The following RIMS2 variants were observed in gnomAD, a reference collection of about 807,000 sequenced individuals.
RIMS2 encodes regulating synaptic membrane exocytosis 2, also known as regulating synaptic membrane exocytosis protein 2.
In RIMS2, 59 loss-of-function variants were observed where a neutral mutation model predicts 174.4. That is an observed-to-expected ratio of 0.34 (90% CI 0.27 to 0.42). The LOEUF (loss-of-function observed/expected upper bound fraction) is 0.42, where lower values mean the gene tolerates loss of function less well. Among genes scored for constraint, RIMS2 ranks in the 10% least tolerant of loss-of-function variants. RIMS2 has a pLI of 1.00. For missense variants in RIMS2, 1,620 were observed against 1,666.3 expected (o/e 0.97, Z 0.48); for synonymous variants, 606 against 572.5 (o/e 1.06, Z -0.84).
chr8:103,825,227 A>G (rs576847568), intron 3 of RIMS2, among the ~76,000 whole-genome samples: 1 of 152,218 alleles, frequency 6.6e-6, no homozygotes, highest in Admixed American at 6.6e-5. Context: ...GAAATTTTAT[A>G]GAAGGTAATC....
chr8:103,949,685 C>T (rs1265284385), intron 14 of RIMS2, among the ~76,000 whole-genome samples: 1 of 151,794 alleles, frequency 6.6e-6, no homozygotes, highest in African/African-American at 2.4e-5. Flanking sequence ...ATTATTAATA[C>T]CAAAAAAATT....
chr8:103,897,526 T>C (rs2099293195), intron 4 of RIMS2, among the ~76,000 whole-genome samples: 1 of 151,774 alleles, frequency 6.6e-6, no homozygotes, highest in Non-Finnish European at 1.5e-5. Context: ...CTGGTCCTAC[T>C]GATGCTCAAA....
At chr8:103,605,641 TG>T (rs1355320210) in intron 1 of RIMS2, among the ~76,000 whole-genome samples, 5 of 152,134 alleles carry the variant, frequency 3.3e-5, no homozygotes, top group Admixed American at 1.3e-4. Context: ...GGACTCTTTT[TG>T]GTTGGTAAAC....
chr8:103,950,844 A>C (rs1277972123), intron 14 of RIMS2, among the ~76,000 whole-genome samples: 1 of 152,244 alleles, frequency 6.6e-6, no homozygotes, highest in East Asian at 1.9e-4. Context: ...GCTTATTTGC[A>C]TACATGTTCA....
intron 3 of RIMS2, among the ~76,000 whole-genome samples, chr8:103,866,018 A>G (rs939288924): frequency 2.0e-5 from 3 of 152,314 alleles, no homozygotes; most frequent in African/African-American, 7.2e-5. Flanking sequence ...AACAAATTTC[A>G]TAACTTTAGT....
At chr8:103,952,263 G>C (rs2085640494) in intron 14 of RIMS2, among the ~76,000 whole-genome samples, 1 of 152,204 alleles carries the variant, frequency 6.6e-6, no homozygotes, top group Admixed American at 6.5e-5. Flanking sequence ...GCTCCGATAA[G>C]GGACAGACTG....
At chr8:103,719,385 A>G (rs2097418189) in intron 2 of RIMS2, among the ~76,000 whole-genome samples, 1 of 152,254 alleles carries the variant, frequency 6.6e-6, no homozygotes, top group African/African-American at 2.4e-5. Context: ...TGCAGTATGC[A>G]GCAGGGAAGC....
At position 104,173,613 on chromosome 8, in the gene RIMS2, A is replaced by ATTTTTTTTTT. The variant is rs71297262; in HGVS notation, c.3335-71279_3335-71270dup. On this transcript the variant is annotated intron_variant, in intron 19 of 23. Coordinates refer to ENST00000504942, the Ensembl canonical transcript of RIMS2. ...AATATTTACTACCTTAGCTCTTCTGATTTTTTTTTTTTTTTTTTTTTTTTT... is the reference window on the plus strand; with the variant it reads ...AATATTTACTACCTTAGCTCTTCTGATTTTTTTTTTTTTTTTTTTTTTTTTTTTTTTTTTT... Among the ~76,000 whole-genome samples the ATTTTTTTTTT allele has an allele frequency of 1.1e-3, 59 of 54,234 alleles. 8 individuals are homozygous for ATTTTTTTTTT. The highest frequency in any genetic ancestry group is 3.0e-3 in the Admixed American group (9 of 3,004). The allele number at this position is 54,234 out of a possible 152,430, so 35.6% of individuals were successfully genotyped here.
intron 19 of RIMS2, among the ~76,000 whole-genome samples, chr8:104,067,302 T>G (rs1042818994): frequency 2.0e-5 from 3 of 152,204 alleles, no homozygotes; most frequent in Non-Finnish European, 4.4e-5. Flanking sequence ...AAGCTCATTT[T>G]TCCCAGTATG....
chr8:104,188,441 A>G (rs916846011), intron 19 of RIMS2, among the ~76,000 whole-genome samples: 1 of 151,690 alleles, frequency 6.6e-6, no homozygotes, highest in African/African-American at 2.4e-5. Context: ...AGTATAATAA[A>G]CATATCTAGT....
intron 3 of RIMS2, among the ~76,000 whole-genome samples, chr8:103,825,320 GT>G (rs2154475716): frequency 6.6e-6 from 1 of 151,992 alleles, no homozygotes; most frequent in African/African-American, 2.4e-5. Flanking sequence ...GTCTCTCTCT[GT>G]CACCCAGGCT....
chr8:103,904,038 G>T (rs1194810011), intron 4 of RIMS2, among the ~76,000 whole-genome samples: 2 of 151,972 alleles, frequency 1.3e-5, no homozygotes, highest in Non-Finnish European at 2.9e-5. Context: ...CTATAAAGAT[G>T]AAGAACTACT....
chr8:103,608,783 AC>A (rs2095253658), intron 1 of RIMS2, among the ~76,000 whole-genome samples: 1 of 152,126 alleles, frequency 6.6e-6, no homozygotes, highest in Non-Finnish European at 1.5e-5. Flanking sequence ...CCTTTCTTTG[AC>A]TGGGAAAGGG....
At chr8:104,143,575 T>C (rs1291208670) in intron 19 of RIMS2, among the ~76,000 whole-genome samples, 1 of 152,194 alleles carries the variant, frequency 6.6e-6, no homozygotes, top group Non-Finnish European at 1.5e-5. Context: ...CCTTTCAAGA[T>C]ACCATGTTTA....
intron 1 of RIMS2, among the ~76,000 whole-genome samples, chr8:103,542,581 A>T (rs1037298395): frequency 6.6e-6 from 1 of 152,212 alleles, no homozygotes; most frequent in African/African-American, 2.4e-5. Flanking sequence ...AAATAAATTC[A>T]CAGGCCAATA....
At chr8:104,108,558 C>T (rs1450262656) in intron 19 of RIMS2, among the ~76,000 whole-genome samples, 1 of 152,102 alleles carries the variant, frequency 6.6e-6, no homozygotes, top group African/African-American at 2.4e-5. Flanking sequence ...CTTGGCCCCC[C>T]AGAGTGCTTG....
At chr8:103,963,814 A>G (rs528469366) in intron 15 of RIMS2, among the ~76,000 whole-genome samples, 2 of 152,294 alleles carry the variant, frequency 1.3e-5, no homozygotes, top group South Asian at 4.1e-4. Flanking sequence ...ATTATCATGC[A>G]GAATATTTCC....
At chr8:103,857,805 C>T (rs1348098468) in intron 3 of RIMS2, among the ~76,000 whole-genome samples, 1 of 152,288 alleles carries the variant, frequency 6.6e-6, no homozygotes, top group African/African-American at 2.4e-5. Flanking sequence ...CACTTTATTC[C>T]TCTACGCTAC....
intron 1 of RIMS2, among the ~76,000 whole-genome samples, chr8:103,523,264 G>C (rs752964701): frequency 2.0e-4 from 31 of 152,112 alleles, no homozygotes; most frequent in Non-Finnish European, 1.5e-4. Context: ...AAACTGTGCA[G>C]ATTCATCATT....
Sources: gnomAD v4.1 joint callset for allele counts (sites outside exome capture counted in the v4.1 genomes callset) on GRCh38, gnomAD v4.1.1 for gene constraint, MANE v1.5 for transcripts, NCBI Gene and HGNC (gene_info 2026-07-23, HGNC 2026-07-21) for gene names.